Variants in LARGE1 observed in about 807,000 individuals in gnomAD.
The protein encoded by LARGE1 is xylosyl- and glucuronyltransferase LARGE1.
Under a neutral mutation model 87.6 loss-of-function variants are expected in LARGE1, and 43 were observed. That is an observed-to-expected ratio of 0.49 (90% confidence interval 0.38 to 0.63). The LOEUF is 0.63. Among genes scored for constraint, LARGE1 ranks in the 30% least tolerant of loss-of-function variants. The pLI, the probability that LARGE1 is intolerant of heterozygous loss-of-function variation, is 0.00. For missense variants in LARGE1, 802 were observed against 1,000.2 expected (o/e 0.80, Z 2.67); for synonymous variants, 434 against 394.6 (o/e 1.10, Z -1.18).
At chr22:33,822,922 A>G (rs747977849) in intron 1 of LARGE1, among the ~76,000 whole-genome samples, 12 of 152,098 alleles carry the variant, frequency 7.9e-5, no homozygotes, top group Non-Finnish European at 8.8e-5. Flanking sequence ...CCAAGTTCCA[A>G]TTTCCTCTGG....
intron 2 of LARGE1, among the ~76,000 whole-genome samples, chr22:33,749,081 A>G (rs928310942): frequency 6.6e-5 from 10 of 152,254 alleles, no homozygotes; most frequent in Non-Finnish European, 1.3e-4. Flanking sequence ...CAGGTCATTT[A>G]GTCTTTATAA....
chr22:33,546,653 C>A (rs2077368238), intron 6 of LARGE1, among the ~76,000 whole-genome samples: 1 of 152,182 alleles, frequency 6.6e-6, no homozygotes, highest in Non-Finnish European at 1.5e-5. Flanking sequence ...GGTGCAATCT[C>A]AGCTCACTGC....
intron 2 of LARGE1, among the ~76,000 whole-genome samples, chr22:33,717,225 C>A (rs1486177746): frequency 6.6e-6 from 1 of 152,074 alleles, no homozygotes; most frequent in African/African-American, 2.4e-5. Context: ...ACCCATCTAC[C>A]CCCACAGTGC....
intron 5 of LARGE1, among the ~76,000 whole-genome samples, chr22:33,593,507 C>A (rs536975831): frequency 6.6e-6 from 1 of 152,248 alleles, no homozygotes; most frequent in Admixed American, 6.5e-5. Flanking sequence ...GAAGCTGAGG[C>A]GGGATTTTTA....
chr22:33,922,713 A>C (rs531038179), upstream of LARGE1: 21 of 152,362 alleles, frequency 1.4e-4, no homozygotes, highest in East Asian at 3.7e-3. Flanking sequence ...CATTATATGA[A>C]AAAATACTAT....
chr22:33,448,906 T>C (rs1237130896), intron 6 of LARGE1, among the ~76,000 whole-genome samples: 1 of 152,206 alleles, frequency 6.6e-6, no homozygotes, highest in African/African-American at 2.4e-5. Flanking sequence ...GTCCATCCAC[T>C]TCCCCACACA....
chr22:33,162,982 T>C (rs888937946), exon 12 of LARGE1: 3 of 152,216 alleles, frequency 2.0e-5, no homozygotes, highest in Admixed American at 6.5e-5. Context: ...TACCCACAAA[T>C]AGAGGTGTCT....
chr22:33,343,463 A>G (rs1215036357), intron 9 of LARGE1, among the ~76,000 whole-genome samples: 1 of 152,180 alleles, frequency 6.6e-6, no homozygotes, highest in Non-Finnish European at 1.5e-5. Context: ...ATATATATAT[A>G]TGATATTAAA....
the LARGE1 span, among the ~76,000 whole-genome samples, chr22:33,117,075 T>C: frequency 6.6e-6 from 1 of 152,204 alleles, no homozygotes; most frequent in Non-Finnish European, 1.5e-5. Flanking sequence ...GAGGCCTCTC[T>C]GAGTCTCATG....
chr22:33,319,685 C>T (rs1419362664), intron 10 of LARGE1, among the ~76,000 whole-genome samples: 3 of 152,282 alleles, frequency 2.0e-5, no homozygotes, highest in Admixed American at 1.3e-4. Context: ...CGTGAGCTAC[C>T]GCGCCCGGCC....
intron 1 of LARGE1, among the ~76,000 whole-genome samples, chr22:33,764,811 G>A (rs1215606422): frequency 2.6e-5 from 4 of 152,188 alleles, no homozygotes; most frequent in Non-Finnish European, 4.4e-5. Context: ...CGAAGGCAAT[G>A]TGAATGCTAC....
chr22:33,561,514 C>T (rs996904957), intron 6 of LARGE1, among the ~76,000 whole-genome samples: 1 of 152,212 alleles, frequency 6.6e-6, no homozygotes, highest in African/African-American at 2.4e-5. Flanking sequence ...CCTGAATGTT[C>T]TGTTAGGACA....
intron 3 of LARGE1, among the ~76,000 whole-genome samples, chr22:33,638,507 C>T (rs2080335929): frequency 6.6e-6 from 1 of 152,114 alleles, no homozygotes; most frequent in Admixed American, 6.6e-5. Flanking sequence ...AGGTGAGGCC[C>T]CTGTGAAGCA....
chr22:33,608,711 T>C (rs534478321), intron 4 of LARGE1, among the ~76,000 whole-genome samples: 1 of 152,298 alleles, frequency 6.6e-6, no homozygotes, highest in Admixed American at 6.5e-5. Flanking sequence ...GCAGAAACAG[T>C]TGATGGCACA....
intron 9 of LARGE1, among the ~76,000 whole-genome samples, chr22:33,348,289 C>CAAAAAA (rs201826859): frequency 8.1e-6 from 1 of 124,054 alleles, no homozygotes; most frequent in Non-Finnish European, 1.7e-5. Flanking sequence ...CACCCCCCCC[C>CAAAAAA]AAAAAAAAAG....
chr22:33,581,763 G>C (rs1569288814), intron 5 of LARGE1, among the ~76,000 whole-genome samples: 1 of 144,458 alleles, frequency 6.9e-6, no homozygotes, highest in South Asian at 2.3e-4. Flanking sequence ...AGTGAGCCGA[G>C]ATTGTGCCAT....
rs114430759 is a variant in LARGE1 at position 33,899,925 on chromosome 22, T to C, written c.-83+20070A>G. On this transcript the variant is annotated intron_variant, in intron 1 of 14. Coordinates refer to ENST00000397394, the MANE Select transcript of LARGE1 (RefSeq NM_133642.5). ...AAGTAAAAGGCACAAATCCTTTAAA[T>C]GTCAGTGTGTGGGTTTGGAGGGTTG... Among the ~76,000 whole-genome samples the C allele has an allele frequency of 5.1e-3, 782 of 152,358 alleles. 10 individuals are homozygous for C. The highest frequency in any genetic ancestry group is 0.018 in the African/African-American group (754 of 41,592).
chr22:33,846,955 C>T (rs537836775), intron 1 of LARGE1, among the ~76,000 whole-genome samples: 19 of 152,266 alleles, frequency 1.2e-4, no homozygotes, highest in African/African-American at 4.3e-4. Context: ...CCTCCACTTG[C>T]CTTGTGATAT....
intron 10 of LARGE1, among the ~76,000 whole-genome samples, chr22:33,319,887 C>T (rs1342763151): frequency 1.3e-5 from 2 of 152,158 alleles, no homozygotes; most frequent in Admixed American, 6.5e-5. Flanking sequence ...CTGTGATGCT[C>T]CAAATGTACT....
Sources: allele counts gnomAD v4.1 joint callset (sites outside exome capture counted in the v4.1 genomes callset), GRCh38; gene constraint gnomAD v4.1.1; transcripts MANE v1.5; gene names NCBI Gene and HGNC (gene_info 2026-07-23, HGNC 2026-07-21).